Variants in SMG6 observed in about 807,000 individuals in gnomAD.
SMG6 encodes SMG6 nonsense mediated mRNA decay factor, also known as telomerase-binding protein EST1A.
In SMG6, 66 loss-of-function variants were observed where a neutral mutation model predicts 142.2. That is an observed-to-expected ratio of 0.46 (90% CI 0.38 to 0.57). The LOEUF (loss-of-function observed/expected upper bound fraction) is 0.57. Among genes scored for constraint, SMG6 ranks in the 20% least tolerant of loss-of-function variants. SMG6 has a pLI of 0.00. For synonymous variants in SMG6, 779 were observed against 702.4 expected, an observed-to-expected ratio of 1.11 and a Z score of -1.72; for missense variants, 1,793 against 1,832.0, an observed-to-expected ratio of 0.98 and a Z score of 0.39.
chr17:2,175,360 T>A (rs1438085790), intron 12 of SMG6, among the ~76,000 whole-genome samples: 2 of 151,746 alleles, frequency 1.3e-5, no homozygotes, highest in Non-Finnish European at 2.9e-5. Flanking sequence ...GGCAGCAGCA[T>A]CCCCAGCCAG....
At chr17:2,268,734 A>ACC (rs2074478949) in intron 8 of SMG6, among the ~76,000 whole-genome samples, 1 of 151,344 alleles carries the variant, frequency 6.6e-6, no homozygotes, top group Non-Finnish European at 1.5e-5. Context: ...ATATGGTGAA[A>ACC]CCCCATCTCT....
In SMG6 at chr17:2,059,993, C is replaced by CTCT. The variant is rs1196437882; in HGVS notation, c.*1498_*1499insAGA. ...AGGAGAGGCCGGGGACCCTGTACTCCAAAGAGCCCAGTCTTCTGAGACTCT... is the reference window on the plus strand; with the variant it reads ...AGGAGAGGCCGGGGACCCTGTACTCCTCTAAAGAGCCCAGTCTTCTGAGACTCT... On this transcript the variant is annotated 3_prime_UTR_variant, in exon 19 of 19. Transcript: ENST00000263073. 6.6e-6 allele frequency: 1 copy of CTCT among 152,280 alleles called. No homozygotes were observed. Among genetic ancestry groups the CTCT allele is most frequent in the Non-Finnish European group, 1.5e-5 (1 of 68,070 alleles). The allele number at this position is 152,280 out of a possible 1,614,324, so 9.4% of individuals were successfully genotyped here.
rs1291456660 is a variant in SMG6 at position 2,188,264 on chromosome 17, G to A, written c.2986+135C>T. 4.2e-6 allele frequency: 3 copies of A among 717,936 alleles called. No individual in the cohort carries two copies. The African/African-American group carries it at 5.4e-5, about 13-fold the overall frequency. 44.5% of individuals were successfully genotyped at this position (717,936 alleles called of 1,614,324 possible). On this transcript the variant is annotated intron_variant, in intron 11 of 18. Transcript: ENST00000263073. ...ATGGGACTAGTTAGGCAGGCAAAAG[G>A]AAGAGGGGCATGTAGGTAAGAGGAA...
In SMG6 at chr17:2,061,493, C is replaced by T; in HGVS notation, c.4259G>A (p.Ter1420=). Residue 1420 remains the stop codon, a stop_retained_variant, in exon 19 of 19, where the codon TGA becomes TAA. Coordinates refer to ENST00000263073, the MANE Select transcript of SMG6 (RefSeq NM_017575.5). ...PAFLTWAQVG[*] is the part of the protein sequence containing the mutation. ...GGGGGGGGCCCCAGTGTGGCTCCCT[C>T]AGCCCACCTGGGCCCACGTGAGGAA... 1 of 1,571,350 alleles carries T rather than the reference C, an allele frequency of 6.4e-7. No individual in the cohort carries two copies. The highest frequency in any genetic ancestry group is 8.6e-7 in the Non-Finnish European group (1 of 1,159,882).
chr17:2,227,540 T>C (rs77210227), intron 10 of SMG6, among the ~76,000 whole-genome samples: 1 of 152,110 alleles, frequency 6.6e-6, no homozygotes, highest in Non-Finnish European at 1.5e-5. Context: ...TAACATACGG[T>C]GACAGAAAGC....
chr17:2,092,048 T>C (rs1210531679), intron 13 of SMG6, among the ~76,000 whole-genome samples: 1 of 150,784 alleles, frequency 6.6e-6, no homozygotes, highest in Non-Finnish European at 1.5e-5. Context: ...TGCACTGGCA[T>C]GATCTCAGCT....
At chr17:2,249,185 G>A (rs1323947621) in intron 8 of SMG6, among the ~76,000 whole-genome samples, 2 of 152,112 alleles carry the variant, frequency 1.3e-5, no homozygotes, top group African/African-American at 2.4e-5. Flanking sequence ...GAGCCACCGC[G>A]AGAACTCTTA....
At chr17:2,224,564 A>G (rs2073263012) in intron 10 of SMG6, among the ~76,000 whole-genome samples, 1 of 152,196 alleles carries the variant, frequency 6.6e-6, no homozygotes, top group Non-Finnish European at 1.5e-5. Context: ...TAGCACAAAA[A>G]GAAGGGAGTC....
rs145053938 is a variant in SMG6, at chr17:2,087,232, C to T, written c.3358-1331G>A. 1.1e-3 allele frequency: 1,457 copies of T among 1,289,784 alleles called. 8 individuals are homozygous for T. In the African/African-American group the frequency reaches 0.013, roughly 12 times the overall value. 79.9% of individuals were successfully genotyped at this position (1,289,784 alleles called of 1,614,324 possible). On this transcript the variant is annotated intron_variant, in intron 13 of 18. Transcript: ENST00000263073. ...GCACACAGTAGGCTCACAGTAAAGA[C>T]GGACAGCCCAGGGAAGCTCGGCTGG...
rs540915280 is a variant in SMG6, at chr17:2,281,694, T to A, written c.2661+953A>T. 5.2e-4 allele frequency among the ~76,000 whole-genome samples: 79 copies of A among 152,312 alleles called. 1 individual carries two copies. In the South Asian group the frequency reaches 0.015, roughly 29 times the overall value. ...CCCCTATTTAAAGCATCCAATAGCT[T>A]CCTACTATTTTCAGGATAAAGGTCA... On this transcript the variant is annotated intron_variant, in intron 8 of 18. Coordinates refer to ENST00000263073, the MANE Select transcript of SMG6 (RefSeq NM_017575.5).
chr17:2,180,475 C>T (rs1046063766), intron 12 of SMG6, among the ~76,000 whole-genome samples: 2 of 152,172 alleles, frequency 1.3e-5, no homozygotes, highest in African/African-American at 4.8e-5. Flanking sequence ...AGTGCCACAG[C>T]GAGGGAAGGC....
At chr17:2,087,153 C>T (rs1451813478) in intron 13 of SMG6, 1 of 1,290,492 alleles carries the variant, frequency 7.7e-7, no homozygotes, top group Non-Finnish European at 1.0e-6. Flanking sequence ...GGTGGCAAAG[C>T]CTAAATCTCA....
Position 2,085,608 on chromosome 17 carries a change from C to T in SMG6, c.3534+117G>A. ...ACACTCTCGAGAAGCTGGCTGGTCA[C>T]ATTAACACAGACGCTGTTCTCTGTG... On this transcript the variant is annotated intron_variant, in intron 14 of 18. Transcript: ENST00000263073. The surrounding 1 kb of genome is among the most constrained non-coding windows in gnomAD (Gnocchi z 4.1). The T allele has an allele frequency of 9.2e-7, 1 of 1,092,446 alleles. No individual in the cohort carries two copies. Among genetic ancestry groups the T allele is most frequent in the South Asian group, 1.5e-5 (1 of 65,384 alleles). 67.7% of individuals were successfully genotyped at this position (1,092,446 alleles called of 1,614,324 possible).
At chr17:2,134,419 CAAAAAAA>C (rs58429166) in intron 13 of SMG6, among the ~76,000 whole-genome samples, 11 of 28,722 alleles carry the variant, frequency 3.8e-4, no homozygotes, top group African/African-American at 1.5e-3. Context: ...GACTCCATCT[CAAAAAAA>C]AAAAAAAAAA....
At chr17:2,255,432 A>AAAAAG (rs2074149977) in intron 8 of SMG6, among the ~76,000 whole-genome samples, 1 of 144,324 alleles carries the variant, frequency 6.9e-6, no homozygotes, top group Non-Finnish European at 1.5e-5. Flanking sequence ...AAAAAAAAGA[A>AAAAAG]TGTGATCTTC....
intron 10 of SMG6, among the ~76,000 whole-genome samples, chr17:2,193,144 T>A (rs1405163053): frequency 1.3e-5 from 2 of 152,208 alleles, no homozygotes; most frequent in Non-Finnish European, 1.5e-5. Flanking sequence ...GGTGTCTGGA[T>A]GGCAGGGTGG....
intron 8 of SMG6, among the ~76,000 whole-genome samples, chr17:2,246,300 G>C (rs1185904912): frequency 6.6e-6 from 1 of 152,234 alleles, no homozygotes; most frequent in African/African-American, 2.4e-5. Flanking sequence ...GCCAGGAAGA[G>C]AAGTGAAGAA....
At chr17:2,239,731 T>C (rs2073755147) in intron 9 of SMG6, among the ~76,000 whole-genome samples, 1 of 152,176 alleles carries the variant, frequency 6.6e-6, no homozygotes, top group Non-Finnish European at 1.5e-5. Flanking sequence ...AAAGAAAAGA[T>C]TTCTCCCATA....
At chr17:2,130,266 C>CAAAAAAAAAAAAAA (rs903007543) in intron 13 of SMG6, among the ~76,000 whole-genome samples, 408 of 39,366 alleles carry the variant, frequency 0.01, 21 homozygotes, top group South Asian at 0.019. Flanking sequence ...GACTCCGTCT[C>CAAAAAAAAAAAAAA]AAAAAAAAAA....
Sources: gnomAD v4.1 joint callset for allele counts (sites outside exome capture counted in the v4.1 genomes callset) on GRCh38, gnomAD v4.1.1 for gene constraint, Gnocchi (gnomAD v3.1) non-coding constraint, MANE v1.5 for transcripts, NCBI Gene and HGNC (gene_info 2026-07-23, HGNC 2026-07-21) for gene names.